CXADR: variants seen among roughly 807,000 people sequenced by gnomAD.
CXADR encodes CXADR cell adhesion molecule.
CXADR carries 20 observed loss-of-function variants against 40.3 expected under a neutral mutation model. That is an observed-to-expected ratio of 0.50 (90% confidence interval 0.35 to 0.72). The LOEUF is 0.72. Ranked by LOEUF, CXADR falls within the 30% of genes least tolerant of loss-of-function variation. CXADR has a pLI of 0.01. For missense variants in CXADR, 332 were observed against 449.1 expected (o/e 0.74, Z 2.36); for synonymous variants, 150 against 161.3 (o/e 0.93, Z 0.53).
At chr21:17,551,076 G>A (rs1457330186) in intron 2 of CXADR, among the ~76,000 whole-genome samples, 1 of 151,866 alleles carries the variant, frequency 6.6e-6, no homozygotes, top group Non-Finnish European at 1.5e-5. Flanking sequence ...GCAAACTACA[G>A]CCTCAGAGGC....
intron 1 of CXADR, chr21:17,543,035 G>A (rs558028478): frequency 3.2e-5 from 12 of 375,234 alleles, no homozygotes; most frequent in South Asian, 2.3e-4. Context: ...GTGCAACACA[G>A]TGAAGAGGAA....
downstream of CXADR, among the ~76,000 whole-genome samples, chr21:17,572,129 A>G (rs558264808): frequency 5.3e-5 from 8 of 152,062 alleles, no homozygotes; most frequent in African/African-American, 1.9e-4. Flanking sequence ...TGGGACGCCA[A>G]GGCAGGCGGA....
chr21:17,520,090 A>T (rs1302526406), intron 1 of CXADR, among the ~76,000 whole-genome samples: 1 of 152,086 alleles, frequency 6.6e-6, no homozygotes, highest in Non-Finnish European at 1.5e-5. Context: ...CCAACTGCGT[A>T]ACTATTCAAC....
At chr21:17,595,728 A>G (rs1475144701), downstream of CXADR, among the ~76,000 whole-genome samples, 1 of 152,056 alleles carries the variant, frequency 6.6e-6, no homozygotes, top group East Asian at 1.9e-4. Flanking sequence ...CAATGCTGCA[A>G]TGAATAACAG....
At chr21:17,585,789 A>G (rs2061391485) in intron 7 of CXADR, among the ~76,000 whole-genome samples, 1 of 152,228 alleles carries the variant, frequency 6.6e-6, no homozygotes, top group Non-Finnish European at 1.5e-5. Flanking sequence ...AAGTGCTGGG[A>G]TTACAGGCAT....
the CXADR span, among the ~76,000 whole-genome samples, chr21:17,606,545 A>T: frequency 6.6e-6 from 1 of 152,150 alleles, no homozygotes; most frequent in Non-Finnish European, 1.5e-5. Flanking sequence ...ATAAAAAGAT[A>T]TATCTTAGAT....
intron 2 of CXADR, among the ~76,000 whole-genome samples, chr21:17,547,816 C>T (rs2060917972): frequency 6.6e-6 from 1 of 151,520 alleles, no homozygotes; most frequent in South Asian, 2.1e-4. Context: ...GTCTTTAGAG[C>T]AAAAAACAAT....
intron 7 of CXADR, among the ~76,000 whole-genome samples, chr21:17,579,268 TC>T (rs2061342741): frequency 6.7e-6 from 1 of 149,502 alleles, no homozygotes; most frequent in Non-Finnish European, 1.5e-5. Context: ...GTCTTACTTT[TC>T]TTTTTCCTTT....
At chr21:17,558,891 TG>T in intron 3 of CXADR, 84 bp from the exon 4 acceptor site, 1 of 1,349,552 alleles carries the variant, frequency 7.4e-7, no homozygotes. Flanking sequence ...CAACTGATAA[TG>T]AGTCAGTGGT....
intron 7 of CXADR, among the ~76,000 whole-genome samples, chr21:17,578,653 G>A (rs553829038): frequency 2.0e-5 from 3 of 152,212 alleles, no homozygotes; most frequent in African/African-American, 7.2e-5. Flanking sequence ...ACATGGCAAA[G>A]CCCCATCTCT....
intron 7 of CXADR, among the ~76,000 whole-genome samples, chr21:17,580,024 T>G (rs1196042065): frequency 6.6e-6 from 1 of 152,182 alleles, no homozygotes; most frequent in Non-Finnish European, 1.5e-5. Context: ...GATCTTGCTA[T>G]GTTATCTAAG....
chr21:17,601,710 T>C, the CXADR span, among the ~76,000 whole-genome samples: 378 of 152,316 alleles, frequency 2.5e-3, no homozygotes, highest in African/African-American at 8.5e-3. Flanking sequence ...ATTCATGTGT[T>C]AATGACACTA....
intron 1 of CXADR, chr21:17,518,452 T>C (rs2060488646): frequency 2.8e-6 from 2 of 709,964 alleles, no homozygotes; most frequent in Admixed American, 4.3e-5. Context: ...TGATGTTCTC[T>C]GTGTCTGTAA....
downstream of CXADR, among the ~76,000 whole-genome samples, chr21:17,596,970 A>G (rs1471115414): frequency 2.0e-5 from 3 of 152,094 alleles, no homozygotes; most frequent in African/African-American, 4.8e-5. Flanking sequence ...AAACTTTTTT[A>G]AAGCTTGTGG....
the CXADR span, among the ~76,000 whole-genome samples, chr21:17,600,503 G>A: frequency 3.3e-5 from 5 of 151,970 alleles, no homozygotes; most frequent in Admixed American, 1.3e-4. Flanking sequence ...AAAGTAAAAG[G>A]CTTAACTGCT....
intron 3 of CXADR, among the ~76,000 whole-genome samples, chr21:17,553,608 C>A (rs978710421): frequency 7.4e-6 from 1 of 134,984 alleles, no homozygotes; most frequent in Non-Finnish European, 1.5e-5. Flanking sequence ...ACACCTGGTC[C>A]GAATTCTTTT....
the CXADR span, among the ~76,000 whole-genome samples, chr21:17,623,456 CAATT>C: frequency 5.3e-5 from 8 of 151,922 alleles, no homozygotes; most frequent in East Asian, 7.7e-4. Context: ...CTTTCGAAAA[CAATT>C]AAGCCCCGAG....
chr21:17,531,929 T>C (rs1371168548), intron 1 of CXADR, among the ~76,000 whole-genome samples: 1 of 99,250 alleles, frequency 1.0e-5, no homozygotes, highest in Non-Finnish European at 2.1e-5. Flanking sequence ...CTGATATTTG[T>C]TTTTTGGGTT....
chr21:17,571,877 G>A (rs2849902), downstream of CXADR, among the ~76,000 whole-genome samples: 72,437 of 151,888 alleles, frequency 0.48, 20,739 homozygotes, highest in Non-Finnish European at 0.63. Flanking sequence ...TCGCATGCTT[G>A]ATATACCTCC....
Sources: allele counts gnomAD v4.1 joint callset (sites outside exome capture counted in the v4.1 genomes callset), GRCh38; gene constraint gnomAD v4.1.1; transcripts MANE v1.5; gene names NCBI Gene and HGNC (gene_info 2026-07-23, HGNC 2026-07-21).